The following POLI variants were observed in gnomAD, a reference collection of about 807,000 sequenced individuals.
The protein encoded by POLI is DNA polymerase iota, also known as RAD30 homolog B.
A neutral mutation model predicts 51.6 loss-of-function variants in POLI; 58 were observed. That is an observed-to-expected ratio of 1.12 (90% CI 0.91 to 1.40). The LOEUF (loss-of-function observed/expected upper bound fraction) is 1.40, where lower values mean the gene tolerates loss of function less well. POLI is among the 40% of genes most tolerant of loss of function. The pLI, the probability that POLI is intolerant of heterozygous loss-of-function variation, is 0.00. For synonymous variants in POLI, 322 were observed against 299.7 expected, an observed-to-expected ratio of 1.07 and a Z score of -0.77; for missense variants, 921 against 871.3, an observed-to-expected ratio of 1.06 and a Z score of -0.72.
intron 4 of POLI, among the ~76,000 whole-genome samples, chr18:54,280,018 A>G (rs1477175006): frequency 2.0e-5 from 3 of 152,192 alleles, no homozygotes; most frequent in African/African-American, 7.2e-5. Context: ...CACTCCCACT[A>G]CACAGTCACT....
At chr18:54,280,341 G>T (rs1423025212) in intron 4 of POLI, among the ~76,000 whole-genome samples, 3 of 152,146 alleles carry the variant, frequency 2.0e-5, no homozygotes, top group Admixed American at 6.5e-5. Context: ...GCTGGGGGAG[G>T]TGCCAGGCTC....
rs752432103 is a variant in POLI at position 54,280,666 on chromosome 18, G to A, written c.560-1G>A. 2.5e-6 allele frequency: 4 copies of A among 1,590,864 alleles called. No homozygotes were observed. The Admixed American group carries it at 5.0e-5, about 20-fold the overall frequency. On this transcript the variant is annotated splice_acceptor_variant, in intron 4 of 9. Coordinates refer to ENST00000579534, the MANE Select transcript of POLI (RefSeq NM_007195.3). LOFTEE classifies it high-confidence loss of function. ...TTGAATGACATTTGTTGTTTTTAAA[G>A]CTATAAACCTGCTTGACGTCTTGCA...
intron 3 of POLI, among the ~76,000 whole-genome samples, chr18:54,319,151 T>C (rs962249674): frequency 6.6e-6 from 1 of 152,214 alleles, no homozygotes; most frequent in African/African-American, 2.4e-5. Flanking sequence ...TAAAGAGCCT[T>C]GGTCCCTAAT....
chr18:54,304,714 C>T (rs1488810309), intron 3 of POLI, among the ~76,000 whole-genome samples: 1 of 151,982 alleles, frequency 6.6e-6, no homozygotes, highest in Non-Finnish European at 1.5e-5. Flanking sequence ...TGTAGGTTGC[C>T]TGTTCACTCT....
At chr18:54,306,916 T>G (rs1286462358) in intron 3 of POLI, among the ~76,000 whole-genome samples, 1 of 152,188 alleles carries the variant, frequency 6.6e-6, no homozygotes, top group African/African-American at 2.4e-5. Flanking sequence ...GGATCGGTAG[T>G]GATATCCCCT....
rs577599041 is a variant in POLI at position 54,296,276 on chromosome 18, G to C, written c.*1809G>C. The C allele has an allele frequency of 6.9e-5, 68 of 985,356 alleles. 1 individual carries two copies. The African/African-American group carries it at 1.1e-3, about 16-fold the overall frequency. 61.0% of individuals were successfully genotyped at this position (985,356 alleles called of 1,614,324 possible). A position where few individuals can be genotyped will look rare whatever the true frequency, so the allele number is the denominator to read the frequency against. On this transcript the variant is annotated 3_prime_UTR_variant, in exon 10 of 10. Transcript: ENST00000579534. ...TAAATGGTTTTGGCCAGCTTAAAAA[G>C]AGAAAGCAAAATAGTTAAAAATACA...
At position 54,297,072 on chromosome 18, in the gene POLI, A is replaced by G. The variant is rs117701410; in HGVS notation, c.*2605A>G. ...TGGTACAAACTCCTTGGCATACTCT[A>G]TTCACCTTTGTGGATCCTGATTGAA... On this transcript the variant is annotated 3_prime_UTR_variant, in exon 10 of 10. Coordinates refer to ENST00000579534, the MANE Select transcript of POLI (RefSeq NM_007195.3). The G allele has an allele frequency of 1.2e-4, 122 of 985,336 alleles. No individual in the cohort carries two copies. In the African/African-American group the frequency reaches 1.8e-3, roughly 15 times the overall value. 61.0% of individuals were successfully genotyped at this position (985,336 alleles called of 1,614,324 possible).
chr18:54,292,617 TG>T (rs3730816), intron 9 of POLI, among the ~76,000 whole-genome samples: 314 of 152,230 alleles, frequency 2.1e-3, no homozygotes, highest in Non-Finnish European at 4.0e-3. Flanking sequence ...TTAGTAAATG[TG>T]GGTTGCCTTA....
At chr18:54,277,164 G>A (rs1436181992) in intron 3 of POLI, among the ~76,000 whole-genome samples, 1 of 152,146 alleles carries the variant, frequency 6.6e-6, no homozygotes, top group Admixed American at 6.5e-5. Context: ...CTGTCCTAAG[G>A]AATATTCTTG....
chr18:54,283,935 A>G lies in POLI; in HGVS notation c.989A>G (p.Glu330Gly). 1 of 1,322,552 alleles carries G rather than the reference A, an allele frequency of 7.6e-7. No homozygotes were observed. The highest frequency in any genetic ancestry group is 1.1e-6 in the Non-Finnish European group (1 of 926,484). The allele number at this position is 1,322,552 out of a possible 1,614,324, so 81.9% of individuals were successfully genotyped here. A position where few individuals can be genotyped will look rare whatever the true frequency, so the allele number is the denominator to read the frequency against. ...CTTCTTTGATAGTCCTTTAGTGAAG[A>G]AGATTCATTTAAAAAATGTTCATCT... The part of the protein sequence containing the change: ...LSGPPQSFSE[E>G]DSFKKCSSEV... Residue 330 changes from glutamate to glycine, a missense_variant, in exon 7 of 10, where the codon GAA becomes GGA. Transcript: ENST00000579534.
At chr18:54,270,511 C>T (rs1189224161) in intron 1 of POLI, 1 of 152,188 alleles carries the variant, frequency 6.6e-6, no homozygotes, top group African/African-American at 2.4e-5. Context: ...GAGCTAGATC[C>T]CCCTAGTGTT....
intron 3 of POLI, among the ~76,000 whole-genome samples, chr18:54,316,059 G>A (rs1011201676): frequency 2.6e-5 from 4 of 152,068 alleles, no homozygotes; most frequent in Admixed American, 1.3e-4. Flanking sequence ...GGGACTACAG[G>A]CATGTACCAC....
intron 5 of POLI, 74 bp from the exon 6 acceptor site, chr18:54,282,763 T>C: frequency 1.3e-6 from 1 of 786,890 alleles, no homozygotes; most frequent in Non-Finnish European, 2.0e-6. Context: ...GATTGATATA[T>C]TTATAATATT....
At chr18:54,305,839 A>C (rs1348618804) in intron 3 of POLI, among the ~76,000 whole-genome samples, 1 of 151,870 alleles carries the variant, frequency 6.6e-6, no homozygotes, top group Non-Finnish European at 1.5e-5. Flanking sequence ...GCTCACTGCA[A>C]ACTCTGCCTC....
chr18:54,270,411 C>T (rs2086952548), intron 1 of POLI: 2 of 152,260 alleles, frequency 1.3e-5, no homozygotes, highest in Non-Finnish European at 2.9e-5. Context: ...ATCCTTCCAC[C>T]TCAGCTTCGA....
intron 3 of POLI, among the ~76,000 whole-genome samples, chr18:54,307,866 G>T (rs2088613530): frequency 6.7e-6 from 1 of 148,402 alleles, no homozygotes; most frequent in Non-Finnish European, 1.5e-5. Flanking sequence ...ATTTTTGTTG[G>T]TTTAAAGTCT....
rs1348700534 is a variant in POLI, at chr18:54,297,970, C to T, written c.*3503C>T. On this transcript the variant is annotated 3_prime_UTR_variant, in exon 10 of 10. Coordinates refer to ENST00000579534, the MANE Select transcript of POLI (RefSeq NM_007195.3). Reference sequence around the variant, plus strand: ...AGCTGTAGATTTAGAACTGACATCTCTTGAGCTGTTCTAAGATAATATCTT... The same window carrying T: ...AGCTGTAGATTTAGAACTGACATCTTTTGAGCTGTTCTAAGATAATATCTT... 1.0e-6 allele frequency: 1 copy of T among 981,164 alleles called. No individual in the cohort carries two copies. Among genetic ancestry groups the T allele is most frequent in the Non-Finnish European group, 1.2e-6 (1 of 826,238 alleles). The allele number at this position is 981,164 out of a possible 1,614,324, so 60.8% of individuals were successfully genotyped here. A position where few individuals can be genotyped will look rare whatever the true frequency, so the allele number is the denominator to read the frequency against.
chr18:54,305,435 C>A (rs1240135351), intron 3 of POLI, among the ~76,000 whole-genome samples: 3 of 152,122 alleles, frequency 2.0e-5, no homozygotes, highest in Non-Finnish European at 2.9e-5. Flanking sequence ...TGTTTTATTT[C>A]ATTGAGCAGT....
At position 54,294,372 on chromosome 18, in the gene POLI, C is replaced by T. The variant is rs1449988338; in HGVS notation, c.2128C>T (p.Pro710Ser). The stretch of plus-strand genomic sequence containing the variant: ...AATTACTTTCCCTTCTGACATTGAT[C>T]CTCAAGTTTTCTATGAACTACCAGA... The part of the protein sequence containing the change: ...EKITFPSDID[P>S]QVFYELPEAV... The change falls in exon 10 of 10, where the codon CCT becomes TCT. Residue 710 changes from proline (P) to serine (S), a missense_variant. Coordinates refer to ENST00000579534, the MANE Select transcript of POLI (RefSeq NM_007195.3). 1.4e-5 allele frequency: 22 copies of T among 1,613,432 alleles called. No individual in the cohort carries two copies. The East Asian group carries it at 4.9e-4, about 36-fold the overall frequency.
Sources: gnomAD v4.1 joint callset for allele counts (sites outside exome capture counted in the v4.1 genomes callset) on GRCh38, gnomAD v4.1.1 for gene constraint, MANE v1.5 for transcripts, NCBI Gene and HGNC (gene_info 2026-07-23, HGNC 2026-07-21) for gene names.